AKAP12: variants seen among roughly 807,000 people sequenced by gnomAD.
AKAP12 encodes the protein A-kinase anchoring protein 12.
Under a neutral mutation model 79.9 loss-of-function variants are expected in AKAP12, and 32 were observed. The observed-to-expected ratio is 0.40, with a 90% CI of 0.30 to 0.54. The LOEUF is 0.54. Ranked by LOEUF, AKAP12 falls within the 20% of genes least tolerant of loss-of-function variation. AKAP12 has a pLI of 0.48. For synonymous variants in AKAP12, 808 were observed against 857.0 expected (o/e 0.94, Z 1.00); for missense variants, 2,074 against 2,177.0 (o/e 0.95, Z 0.94).
At chr6:151,312,943 C>T (rs6908030) in intron 3 of AKAP12, among the ~76,000 whole-genome samples, 61,415 of 151,964 alleles carry the variant, frequency 0.4, 12,992 homozygotes, top group East Asian at 0.84. Flanking sequence ...ACAGAGGTAG[C>T]GCTCAGCAAA....
At chr6:151,333,974 A>C (rs1777747078) in intron 3 of AKAP12, among the ~76,000 whole-genome samples, 3 of 151,796 alleles carry the variant, frequency 2.0e-5, no homozygotes, top group Admixed American at 2.0e-4. Flanking sequence ...ACTTGGGGTA[A>C]AGGACCTGCA....
At chr6:151,272,518 G>A (rs1270776805) in intron 2 of AKAP12, among the ~76,000 whole-genome samples, 1 of 151,826 alleles carries the variant, frequency 6.6e-6, no homozygotes, top group Non-Finnish European at 1.5e-5. Context: ...TAGATAGATA[G>A]ATAGATAGAT....
In AKAP12 at chr6:151,240,679, C is replaced by A; in HGVS notation, c.117C>A (p.Asp39Glu). 1 of 1,298,100 alleles carries A rather than the reference C, an allele frequency of 7.7e-7. No individual in the cohort carries two copies. The highest frequency in any genetic ancestry group is 1.5e-5 in the African/African-American group (1 of 64,612). The allele number at this position is 1,298,100 out of a possible 1,614,324, so 80.4% of individuals were successfully genotyped here. The change falls in exon 2 of 5, where the codon GAC (aspartate) becomes GAA (glutamate). Residue 39 changes from aspartate (D) to glutamate (E), a missense_variant. By Grantham distance (45) the Asp-to-Glu change is conservative. Around this residue, in one of 3 missense-constraint regions of AKAP12, gnomAD observed 1,428 missense variants for 1,451.0 expected, o/e 0.98. Coordinates refer to ENST00000402676, the MANE Select transcript of AKAP12 (RefSeq NM_005100.4). ...GGGPSAEAAPDTTADPAIAAS... is the reference protein window; with the variant it reads ...GGGPSAEAAPETTADPAIAAS... ...GCCCCTCGGCCGAGGCGGCGCCAGA[C>A]ACCACCGCGGACCCCGCCATCGCTG...
chr6:151,270,146 TC>T (rs1156248086), intron 2 of AKAP12, among the ~76,000 whole-genome samples: 1 of 152,190 alleles, frequency 6.6e-6, no homozygotes, highest in Non-Finnish European at 1.5e-5. Flanking sequence ...AACCTCCGCC[TC>T]CTGGGTTCAA....
rs765710724 is a variant in AKAP12 at position 151,348,698 on chromosome 6, T to G, written c.320-13T>G. 2 of 220,382 alleles carry G rather than the reference T, an allele frequency of 9.1e-6. No individual in the cohort carries two copies. Among genetic ancestry groups the G allele is most frequent in the East Asian group, 1.5e-4 (2 of 13,066 alleles). The allele number at this position is 220,382 out of a possible 1,614,324, so 13.7% of individuals were successfully genotyped here. ...TCTCTTCTCCCCACCCCCCCGCCCC[T>G]TTTTGTTAATAGTTGGACAGAGAGA... On this transcript the variant is annotated splice_polypyrimidine_tract_variant and intron_variant, in intron 3 of 4. Transcript: ENST00000402676.
At chr6:151,252,059 A>G (rs889495992) in intron 2 of AKAP12, among the ~76,000 whole-genome samples, 2 of 152,226 alleles carry the variant, frequency 1.3e-5, no homozygotes, top group Non-Finnish European at 2.9e-5. Flanking sequence ...GACTCTCTAG[A>G]TAATGACAGA....
At chr6:151,255,187 C>T (rs1354503316) in intron 2 of AKAP12, among the ~76,000 whole-genome samples, 7 of 149,590 alleles carry the variant, frequency 4.7e-5, no homozygotes, top group East Asian at 2.0e-4. Flanking sequence ...TTTTTTGAGA[C>T]GGAGTTTCGC....
At position 151,351,704 on chromosome 6, in the gene AKAP12, C is replaced by T; in HGVS notation, c.3313C>T (p.Pro1105Ser). The T allele has an allele frequency of 3.7e-6, 6 of 1,614,094 alleles. No homozygotes were observed. Among genetic ancestry groups the T allele is most frequent in the Non-Finnish European group, 5.1e-6 (6 of 1,180,028 alleles). ...AGATGCTCAGGAGGCAAAAACTGAG[C>T]CTTTTACACAAGGGAAGGTGGTGGG... ...KVDAQEAKTE[P>S]FTQGKVVGQT... is the part of the protein sequence containing the mutation. Residue 1105 changes from proline to serine, a missense_variant, in exon 4 of 5, where the codon CCT becomes TCT. Physicochemically the swap from Pro to Ser is moderately conservative, Grantham distance 74. Transcript: ENST00000402676. The surrounding 1 kb of genome is among the most constrained non-coding windows in gnomAD (Gnocchi z 4.4).
At chr6:151,348,211 C>T in intron 3 of AKAP12, 1 of 343,702 alleles carries the variant, frequency 2.9e-6, no homozygotes, top group East Asian at 7.5e-5. Flanking sequence ...CCTGTAATCC[C>T]AGCTAATCAG....
At chr6:151,243,605 C>T (rs757250927) in intron 2 of AKAP12, among the ~76,000 whole-genome samples, 2 of 152,044 alleles carry the variant, frequency 1.3e-5, no homozygotes, top group Non-Finnish European at 2.9e-5. Context: ...GAGTCTTTAT[C>T]TTCTATTCAA....
Position 151,352,128 on chromosome 6 carries a change from C to T in AKAP12, c.3737C>T (p.Thr1246Ile), listed in dbSNP as rs1262020962. Residue 1246 changes from threonine to isoleucine, a missense_variant, in exon 4 of 5, where the codon ACA (threonine) becomes ATA (isoleucine). Thr to Ile is a moderately conservative substitution (Grantham distance 89). Coordinates refer to ENST00000402676, the MANE Select transcript of AKAP12 (RefSeq NM_005100.4). ...QSKMEDTLEH[T>I]DKEVSVETVS... is the part of the protein sequence containing the mutation. ...AAGATGGAAGACACTCTAGAGCATA[C>T]AGATAAAGAGGTGTCAGTGGAAACT... is the stretch of plus-strand genomic sequence containing the variant. The T allele has an allele frequency of 6.2e-7, 1 of 1,614,080 alleles. No individual in the cohort carries two copies. Among genetic ancestry groups the T allele is most frequent in the Non-Finnish European group, 8.5e-7 (1 of 1,180,028 alleles).
rs541585942 is a variant in AKAP12 at position 151,246,416 on chromosome 6, TCAAAAACAAAAA to T, written c.162+5711_162+5722del. 5.1e-4 allele frequency among the ~76,000 whole-genome samples: 77 copies of T among 152,300 alleles called. 1 individual carries two copies. The highest frequency in any genetic ancestry group is 4.1e-3 in the South Asian group (20 of 4,828). ...CTGGGTGACAGTGCAAGACTCCGTC[TCAAAAACAAAAA>T]CAAAAACAAAAACAAAAAATTTAAC... On this transcript the variant is annotated intron_variant, in intron 2 of 4. Transcript: ENST00000402676.
intron 2 of AKAP12, among the ~76,000 whole-genome samples, chr6:151,241,957 C>T (rs1193018483): frequency 6.6e-6 from 1 of 151,936 alleles, no homozygotes; most frequent in African/African-American, 2.4e-5. Context: ...TGATTCATAA[C>T]TACTTGTAAA....
At chr6:151,286,521 A>G (rs1474926386) in intron 2 of AKAP12, among the ~76,000 whole-genome samples, 5 of 152,228 alleles carry the variant, frequency 3.3e-5, no homozygotes, top group Admixed American at 6.5e-5. Context: ...AACAAAACAA[A>G]GAAACTCTCC....
chr6:151,246,504 G>A (rs934105037), intron 2 of AKAP12, among the ~76,000 whole-genome samples: 1 of 152,158 alleles, frequency 6.6e-6, no homozygotes, highest in African/African-American at 2.4e-5. Context: ...CAGTTCCACC[G>A]TGGAGATCAG....
chr6:151,285,384 CTGTGTGTG>C (rs10680283), intron 2 of AKAP12, among the ~76,000 whole-genome samples: 3 of 136,548 alleles, frequency 2.2e-5, no homozygotes, highest in Non-Finnish European at 1.6e-5. Context: ...CTGCATTTCA[CTGTGTGTG>C]TGTGTGTGTG....
intron 3 of AKAP12, among the ~76,000 whole-genome samples, chr6:151,318,143 T>C (rs971802285): frequency 6.6e-6 from 1 of 152,110 alleles, no homozygotes; most frequent in Non-Finnish European, 1.5e-5. Flanking sequence ...CCCTCATGAA[T>C]GGGATTAGTG....
chr6:151,287,541 G>A (rs535397003), intron 2 of AKAP12, among the ~76,000 whole-genome samples: 4 of 152,296 alleles, frequency 2.6e-5, no homozygotes, highest in South Asian at 2.1e-4. Flanking sequence ...GATTACAGGC[G>A]TGAGCCATCA....
intron 2 of AKAP12, among the ~76,000 whole-genome samples, chr6:151,285,397 TGTGTG>T: frequency 6.7e-6 from 1 of 149,804 alleles, no homozygotes; most frequent in East Asian, 2.0e-4. Flanking sequence ...TGTGTGTGTG[TGTGTG>T]TGTGTGTGTG....
Sources: gnomAD v4.1 joint callset for allele counts (sites outside exome capture counted in the v4.1 genomes callset) on GRCh38, gnomAD v4.1.1 for gene constraint, gnomAD v4.1.1 regional missense constraint, Gnocchi (gnomAD v3.1) non-coding constraint, MANE v1.5 for transcripts, NCBI Gene and HGNC (gene_info 2026-07-23, HGNC 2026-07-21) for gene names.